Variants in POLR2F observed in about 807,000 individuals in gnomAD.
The protein encoded by POLR2F is DNA-directed RNA polymerases I, II, and III subunit RPABC2.
A neutral mutation model predicts 22.7 loss-of-function variants in POLR2F; 12 were observed. That is an observed-to-expected ratio of 0.53 (90% confidence interval 0.34 to 0.86). POLR2F has a LOEUF of 0.86. POLR2F is among the 40% of genes least tolerant of loss of function. The pLI is 0.02. For synonymous variants in POLR2F, 57 were observed against 66.0 expected (o/e 0.86, Z 0.66); for missense variants, 126 against 171.5 (o/e 0.73, Z 1.48).
intron 1 of POLR2F, among the ~76,000 whole-genome samples, chr22:37,999,573 C>T (rs926283266): frequency 7.2e-5 from 11 of 152,054 alleles, no homozygotes; most frequent in Non-Finnish European, 1.5e-4. Flanking sequence ...TGCACCTGGG[C>T]GTCCTGACAC....
intron 1 of POLR2F, among the ~76,000 whole-genome samples, chr22:38,010,766 C>T (rs2084865156): frequency 6.6e-6 from 1 of 151,470 alleles, no homozygotes; most frequent in Non-Finnish European, 1.5e-5. Context: ...ACAGGAGCAC[C>T]CCACCACGAC....
Position 37,953,814 on chromosome 22 carries a change from G to C in POLR2F, c.20+7G>C, listed in dbSNP as rs1243054987. 6.2e-7 allele frequency: 1 copy of C among 1,609,142 alleles called. No homozygotes were observed. Among genetic ancestry groups the C allele is most frequent in the Non-Finnish European group, 8.5e-7 (1 of 1,178,724 alleles). ...TGTCAGACAACGAGGACAAGTGAGT[G>C]CGGGAGCGGAGTGGCCTTTGCGGCA... On this transcript the variant is annotated splice_region_variant and intron_variant, in intron 1 of 4. Coordinates refer to ENST00000442738, the MANE Select transcript of POLR2F (RefSeq NM_021974.5).
rs1437505622 is a variant in POLR2F at position 37,974,619 on chromosome 22, C to T, written c.293+7449C>T. Among the ~76,000 whole-genome samples, 4 of 152,160 alleles carry T rather than the reference C, an allele frequency of 2.6e-5. No homozygotes were observed. Among genetic ancestry groups the T allele is most frequent in the African/African-American group, 9.7e-5 (4 of 41,426 alleles). On this transcript the variant is annotated intron_variant, in intron 4 of 4. Coordinates refer to the POLR2F transcript ENST00000405557. This position sits in a 1 kb window ranked among gnomAD's most constrained non-coding sequence, Gnocchi z 5.4. ...CCACCTGCCTCGGCCTCCCAAAGTG[C>T]TGGGATTACCATCATGAGCCACTGC...
chr22:38,016,581 C>T lies in POLR2F; in HGVS notation c.121-9288C>T, dbSNP rs949838996. Among the ~76,000 whole-genome samples, 6 of 152,204 alleles carry T rather than the reference C, an allele frequency of 3.9e-5. No individual in the cohort carries two copies. The highest frequency in any genetic ancestry group is 7.3e-5 in the Non-Finnish European group (5 of 68,040). On this transcript the variant is annotated intron_variant, in intron 1 of 2. Transcript: ENST00000333418. This position sits in a 1 kb window ranked among gnomAD's most constrained non-coding sequence, Gnocchi z 4.4. Reference sequence around the variant, plus strand: ...TGGGGTGGGGGCTTAGAAGCAGCTGCGCGCGACGTTGACATTGTTCCCACC... The same window carrying T: ...TGGGGTGGGGGCTTAGAAGCAGCTGTGCGCGACGTTGACATTGTTCCCACC...
chr22:38,010,977 G>T (rs2084867329), intron 1 of POLR2F, among the ~76,000 whole-genome samples: 1 of 151,974 alleles, frequency 6.6e-6, no homozygotes, highest in African/African-American at 2.4e-5. Context: ...GTTATCAATT[G>T]TTTTCTTTTA....
intron 4 of POLR2F, among the ~76,000 whole-genome samples, chr22:37,979,798 G>A (rs1361041859): frequency 1.3e-5 from 2 of 152,054 alleles, no homozygotes; most frequent in Non-Finnish European, 2.9e-5. Flanking sequence ...GGGTCGAGGG[G>A]AAAGTCCAGA....
chr22:37,972,292 G>C, downstream of POLR2F: 1 of 1,284,154 alleles, frequency 7.8e-7, no homozygotes, highest in Non-Finnish European at 1.0e-6. Flanking sequence ...AGACAGGCCA[G>C]GTCAGGCTCA....
At chr22:38,004,111 CCAGAGTAGCTTGGACTA>C (rs1449270479) in intron 1 of POLR2F, among the ~76,000 whole-genome samples, 1 of 152,088 alleles carries the variant, frequency 6.6e-6, no homozygotes, top group Non-Finnish European at 1.5e-5. Context: ...GCCTCAGTCT[CCAGAGTAGCTTGGACTA>C]CAGGAATGCA....
At chr22:37,987,839 C>T (rs1932626289) in intron 1 of POLR2F, 1 of 157,636 alleles carries the variant, frequency 6.3e-6, no homozygotes, top group Non-Finnish European at 1.4e-5. Flanking sequence ...TCCAGTTTCC[C>T]TGCGGGGGCC....
At chr22:38,026,401 A>G (rs1489027058) in exon 3 of POLR2F, 1 of 472,702 alleles carries the variant, frequency 2.1e-6, no homozygotes, top group Non-Finnish European at 4.4e-6. Flanking sequence ...GAGACCAGGC[A>G]GACCATCTCT....
Position 38,025,656 on chromosome 22 carries a change from C to A in POLR2F, c.121-213C>A, listed in dbSNP as rs376806807. 5.9e-5 allele frequency: 92 copies of A among 1,563,722 alleles called. No individual in the cohort carries two copies. In the African/African-American group the frequency reaches 9.0e-4, roughly 15 times the overall value. On this transcript the variant is annotated intron_variant, in intron 1 of 2. Coordinates refer to the POLR2F transcript ENST00000333418. ...CACAGCCTAGGCTCTTTCAGCATCT[C>A]CTCCCGCTGACTTCTCCCGACAGTC...
At chr22:38,015,039 C>A (rs991476419) in intron 1 of POLR2F, among the ~76,000 whole-genome samples, 1 of 151,998 alleles carries the variant, frequency 6.6e-6, no homozygotes, top group Non-Finnish European at 1.5e-5. Flanking sequence ...AACTCCTGAC[C>A]TTGAGATCCA....
At chr22:38,030,291 A>G (rs548164933), downstream of POLR2F, among the ~76,000 whole-genome samples, 2 of 152,290 alleles carry the variant, frequency 1.3e-5, no homozygotes, top group East Asian at 3.9e-4. Context: ...CCCTCTGGAC[A>G]GTCATGTGCT....
chr22:37,973,902 C>T (rs770193704), downstream of POLR2F: 63 of 1,610,072 alleles, frequency 3.9e-5, no homozygotes, highest in Admixed American at 1.8e-4. Context: ...GAGATCCAGG[C>T]GGAGTGTCCA....
downstream of POLR2F, among the ~76,000 whole-genome samples, chr22:38,031,383 C>T (rs535268224): frequency 2.0e-5 from 3 of 152,274 alleles, no homozygotes; most frequent in Admixed American, 6.5e-5. This position sits in a 1 kb window ranked among gnomAD's most constrained non-coding sequence, Gnocchi z 4.1. Flanking sequence ...CGTCCCCCCA[C>T]AAGGTAGACT....
At chr22:38,036,798 G>C (rs1443908481) in intron 5 of POLR2F, among the ~76,000 whole-genome samples, 1 of 151,734 alleles carries the variant, frequency 6.6e-6, no homozygotes, top group Non-Finnish European at 1.5e-5. Flanking sequence ...CCAACCCCAC[G>C]TGTCTGACTC....
chr22:37,967,532 C>A, intron 4 of POLR2F, 93 bp from the exon 5 acceptor site: 2 of 1,554,260 alleles, frequency 1.3e-6, no homozygotes, highest in Non-Finnish European at 1.7e-6. Context: ...CCTAAGACTT[C>A]TCTTTGCTTG....
At chr22:37,953,909 AGGGGACTGGGGTCCTGAG>A in intron 1 of POLR2F, 102 bp downstream of exon 1, 1 of 1,372,066 alleles carries the variant, frequency 7.3e-7, no homozygotes, top group Non-Finnish European at 1.0e-6. Context: ...GCAATGTCTG[AGGGGACTGGGGTCCTGAG>A]GGGGCCGGCG....
chr22:38,009,329 G>T (rs1170979100), intron 1 of POLR2F, among the ~76,000 whole-genome samples: 2 of 152,138 alleles, frequency 1.3e-5, no homozygotes, highest in African/African-American at 4.8e-5. Context: ...ATGGCCTGAG[G>T]GGGTCAAAGC....
Sources: allele counts gnomAD v4.1 joint callset (sites outside exome capture counted in the v4.1 genomes callset), GRCh38; gene constraint gnomAD v4.1.1; non-coding constraint Gnocchi (gnomAD v3.1); transcripts MANE v1.5; gene names NCBI Gene and HGNC (gene_info 2026-07-23, HGNC 2026-07-21).